Variants in TRPV5 observed in about 807,000 individuals in gnomAD.
TRPV5 encodes transient receptor potential cation channel subfamily V member 5, also known as calcium transport protein 2.
In TRPV5, 66 loss-of-function variants were observed where a neutral mutation model predicts 74.1. The ratio of observed to expected loss-of-function variants is 0.89; its 90% CI spans 0.73 to 1.09. The LOEUF (loss-of-function observed/expected upper bound fraction) is 1.09. TRPV5 is among the 50% of genes least tolerant of loss of function. TRPV5 has a pLI of 0.00. For synonymous variants in TRPV5, 399 were observed against 360.7 expected (o/e 1.11, Z -1.20); for missense variants, 936 against 930.4 (o/e 1.01, Z -0.08).
chr7:142,929,673 G>C (rs1326196436), intron 3 of TRPV5, 108 bp from the exon 4 acceptor site: 8 of 1,520,100 alleles, frequency 5.3e-6, no homozygotes, highest in Non-Finnish European at 7.1e-6. Context: ...ATCTTTGCTA[G>C]ACTTCTGCCC....
chr7:142,933,222 T>C, intron 1 of TRPV5, 110 bp downstream of exon 1: 3 of 1,397,232 alleles, frequency 2.1e-6, no homozygotes, highest in Non-Finnish European at 2.9e-6. Context: ...TCTGAGTGAC[T>C]GGCACTGACA....
intron 8 of TRPV5, among the ~76,000 whole-genome samples, chr7:142,922,613 A>G (rs4252448): frequency 0.78 from 118,686 of 152,104 alleles, 49,472 homozygotes; most frequent in East Asian, 0.96. Flanking sequence ...TTTCTAGTGT[A>G]CAGTCTGGGT....
At chr7:142,931,017 AT>A (rs35738386) in intron 1 of TRPV5, among the ~76,000 whole-genome samples, 2,840 of 100,186 alleles carry the variant, frequency 0.028, 39 homozygotes, top group African/African-American at 0.1. Context: ...CCCTCAGGCT[AT>A]TTTTTTTTTT....
At chr7:142,925,901 T>G (rs1402377032) in intron 7 of TRPV5, among the ~76,000 whole-genome samples, 160 bp from the exon 8 acceptor site, 21 of 152,258 alleles carry the variant, frequency 1.4e-4, no homozygotes, top group Non-Finnish European at 3.1e-4. Context: ...TGGCTGGGCC[T>G]TGTGCTAGTG....
At chr7:142,922,653 AT>A (rs1247293605) in intron 8 of TRPV5, among the ~76,000 whole-genome samples, 2 of 152,138 alleles carry the variant, frequency 1.3e-5, no homozygotes, top group Non-Finnish European at 2.9e-5. Context: ...AGGAAGTAGG[AT>A]TTTCCTAAGG....
chr7:142,925,503 T>A, intron 8 of TRPV5, 26 bp downstream of exon 8: 1 of 1,611,770 alleles, frequency 6.2e-7, no homozygotes, highest in Non-Finnish European at 8.5e-7. Flanking sequence ...TGCAATTCTC[T>A]CTCATCCCCT....
chr7:142,927,320 T>C (rs950520227), intron 7 of TRPV5, among the ~76,000 whole-genome samples: 5 of 152,210 alleles, frequency 3.3e-5, no homozygotes, highest in Non-Finnish European at 7.3e-5. Context: ...ATTGAGGAAG[T>C]TGATGAACAG....
At chr7:142,909,142 T>C (rs766556597) in intron 14 of TRPV5, among the ~76,000 whole-genome samples, 16 of 151,950 alleles carry the variant, frequency 1.1e-4, no homozygotes, top group Non-Finnish European at 2.1e-4. Flanking sequence ...CGAGATGCAA[T>C]TCAGGAAGTA....
intron 1 of TRPV5, among the ~76,000 whole-genome samples, chr7:142,930,742 G>A (rs866797760): frequency 6.6e-6 from 1 of 152,146 alleles, no homozygotes; most frequent in South Asian, 2.1e-4. Context: ...AGAGTGGTCT[G>A]AGAGTCTCTA....
intron 8 of TRPV5, among the ~76,000 whole-genome samples, chr7:142,921,881 G>A (rs1027708067): frequency 2.0e-5 from 3 of 152,174 alleles, no homozygotes; most frequent in African/African-American, 7.2e-5. Context: ...ACTTTGGTGA[G>A]GTTATTCCTG....
At chr7:142,909,268 C>T (rs1273466743) in intron 14 of TRPV5, among the ~76,000 whole-genome samples, 1 of 152,134 alleles carries the variant, frequency 6.6e-6, no homozygotes. Flanking sequence ...AAGGTTACAG[C>T]AAGTCTGGTA....
Position 142,908,795 on chromosome 7 carries a change from TGTG to T in TRPV5, c.1906_1908del (p.His636del). 6.2e-7 allele frequency: 1 copy of T among 1,611,492 alleles called. No homozygotes were observed. The highest frequency in any genetic ancestry group is 8.5e-7 in the Non-Finnish European group (1 of 1,179,084). The stretch of plus-strand genomic sequence containing the variant: ...AGCACTCGCAGAGGATTCTGATCAT[TGTG>T]GTTCTCAACCCTGATAAGGGGAAAG... On this transcript the variant is annotated inframe_deletion, in exon 15 of 15. Transcript: ENST00000265310.
At chr7:142,918,675 T>C (rs1795834923) in intron 8 of TRPV5, among the ~76,000 whole-genome samples, 1 of 152,002 alleles carries the variant, frequency 6.6e-6, no homozygotes, top group Non-Finnish European at 1.5e-5. Flanking sequence ...GATAGAAGGA[T>C]TTGATTCCAG....
intron 7 of TRPV5, 58 bp downstream of exon 7, chr7:142,928,028 ACT>A (rs1355457280): frequency 1.9e-6 from 3 of 1,605,344 alleles, no homozygotes; most frequent in Non-Finnish European, 2.6e-6. Flanking sequence ...AAGTGGACAG[ACT>A]CTGCACAAAC....
At position 142,908,505 on chromosome 7, in the gene TRPV5, C is replaced by A; in HGVS notation, c.*9G>T. ...CCGGGAGTAAGGTCAAGAGTGATAG[C>A]GATGTTAATCAAAAATGGTAGACCT... On this transcript the variant is annotated 3_prime_UTR_variant, in exon 15 of 15. Coordinates refer to ENST00000265310, the MANE Select transcript of TRPV5 (RefSeq NM_019841.7). 1 of 1,613,532 alleles carries A rather than the reference C, an allele frequency of 6.2e-7. No homozygotes were observed. The highest frequency in any genetic ancestry group is 2.2e-5 in the East Asian group (1 of 44,862).
At chr7:142,929,644 C>T in intron 3 of TRPV5, 79 bp from the exon 4 acceptor site, 1 of 1,572,300 alleles carries the variant, frequency 6.4e-7, no homozygotes, top group Non-Finnish European at 8.7e-7. Context: ...CACCATCCCT[C>T]TCAGGAGGTT....
intron 13 of TRPV5, among the ~76,000 whole-genome samples, chr7:142,911,467 G>A (rs901132063): frequency 2.0e-5 from 3 of 152,076 alleles, no homozygotes; most frequent in Non-Finnish European, 4.4e-5. Context: ...CCTAGTTCTT[G>A]CTCACCTTTG....
At chr7:142,932,319 TCTA>T (rs1192013529) in intron 1 of TRPV5, among the ~76,000 whole-genome samples, 3 of 152,084 alleles carry the variant, frequency 2.0e-5, no homozygotes, top group African/African-American at 7.2e-5. Context: ...GGGGTCCCAC[TCTA>T]AAGCAGGAAG....
At chr7:142,924,384 A>ATG (rs1329816312) in intron 8 of TRPV5, among the ~76,000 whole-genome samples, 11 of 120,954 alleles carry the variant, frequency 9.1e-5, no homozygotes, top group African/African-American at 4.3e-4. Context: ...ACATATATAT[A>ATG]TATATATACA....
Sources: allele counts gnomAD v4.1 joint callset (sites outside exome capture counted in the v4.1 genomes callset), GRCh38; gene constraint gnomAD v4.1.1; transcripts MANE v1.5; gene names NCBI Gene and HGNC (gene_info 2026-07-23, HGNC 2026-07-21).